Variants in UFSP2 observed in about 807,000 individuals in gnomAD.
UFSP2 encodes ufm1-specific protease 2.
A neutral mutation model predicts 60.2 loss-of-function variants in UFSP2; 43 were observed. The observed-to-expected ratio is 0.71, with a 90% confidence interval of 0.56 to 0.92. The LOEUF (loss-of-function observed/expected upper bound fraction) is 0.92. Ranked by LOEUF, UFSP2 falls within the 40% of genes least tolerant of loss-of-function variation. The probability of loss-of-function intolerance (pLI) is 0.00; values close to 1 mark genes in which losing one functional copy is unlikely to be tolerated. For missense variants in UFSP2, 520 were observed against 575.0 expected (o/e 0.90, Z 0.98); for synonymous variants, 183 against 195.1 (o/e 0.94, Z 0.52).
At chr4:185,421,667 C>T (rs963163110) in intron 2 of UFSP2, among the ~76,000 whole-genome samples, 2 of 152,332 alleles carry the variant, frequency 1.3e-5, no homozygotes, top group East Asian at 1.9e-4. Flanking sequence ...GCCAAATCAA[C>T]CTCTTCTTTA....
At chr4:185,402,088 A>AG (rs1260081544) in intron 11 of UFSP2, among the ~76,000 whole-genome samples, 2 of 152,082 alleles carry the variant, frequency 1.3e-5, no homozygotes, top group Admixed American at 1.3e-4. Flanking sequence ...CCAGCCTCGT[A>AG]GAAGCACCTG....
At chr4:185,417,630 C>T (rs1357994397) in intron 4 of UFSP2, among the ~76,000 whole-genome samples, 1 of 152,226 alleles carries the variant, frequency 6.6e-6, no homozygotes, top group Non-Finnish European at 1.5e-5. Context: ...AGCCTGGAAA[C>T]ACTGTCGTCA....
At position 185,404,413 on chromosome 4, in the gene UFSP2, A is replaced by G. The variant is rs111304059; in HGVS notation, c.1199-795T>C. 9.2e-3 allele frequency among the ~76,000 whole-genome samples: 1,354 copies of G among 147,734 alleles called. 16 individuals carry two copies. Among genetic ancestry groups the G allele is most frequent in the African/African-American group, 0.032 (1,259 of 39,636 alleles). On this transcript the variant is annotated intron_variant, in intron 10 of 11. Transcript: ENST00000264689. Reference sequence around the variant, plus strand: ...CAGGTTCAAGCAATTCTCCTGCCTCAGCCTCCTGAGTAGCTGAGACTACAG... The same window carrying G: ...CAGGTTCAAGCAATTCTCCTGCCTCGGCCTCCTGAGTAGCTGAGACTACAG...
intron 2 of UFSP2, among the ~76,000 whole-genome samples, chr4:185,419,629 T>G (rs1353964914): frequency 6.6e-6 from 1 of 152,266 alleles, no homozygotes; most frequent in Non-Finnish European, 1.5e-5. Flanking sequence ...ACTTTTTTCT[T>G]TATGGATTTG....
intron 6 of UFSP2, 110 bp from the exon 7 acceptor site, chr4:185,413,982 GT>G (rs2095534086): frequency 2.1e-6 from 2 of 965,954 alleles, no homozygotes; most frequent in Non-Finnish European, 2.9e-6. Flanking sequence ...GGTTATAAAA[GT>G]TTCCAAACAC....
At chr4:185,403,966 C>CAAAAAAAAAAAAAAAAAA (rs779330516) in intron 10 of UFSP2, among the ~76,000 whole-genome samples, 1 of 85,110 alleles carries the variant, frequency 1.2e-5, no homozygotes, top group African/African-American at 4.2e-5. Context: ...GCAAGACTCT[C>CAAAAAAAAAAAAAAAAAA]AAAAAAAAAA....
At chr4:185,405,514 C>G (rs1343940478) in intron 10 of UFSP2, among the ~76,000 whole-genome samples, 1 of 152,216 alleles carries the variant, frequency 6.6e-6, no homozygotes, top group Non-Finnish European at 1.5e-5. Flanking sequence ...ACCGTTTCCT[C>G]TTTTTAATAC....
intron 10 of UFSP2, among the ~76,000 whole-genome samples, chr4:185,404,119 C>T (rs55875761): frequency 4.6e-3 from 699 of 151,962 alleles, no homozygotes; most frequent in Non-Finnish European, 7.8e-3. Context: ...ACAATCATAT[C>T]TATAATCACA....
chr4:185,401,015 T>C (rs554662391), intron 11 of UFSP2, among the ~76,000 whole-genome samples: 12 of 152,340 alleles, frequency 7.9e-5, no homozygotes, highest in Admixed American at 3.9e-4. Context: ...AAAATTACTT[T>C]CAAGCAAAAT....
chr4:185,424,914 T>A (rs1284922886), intron 1 of UFSP2, among the ~76,000 whole-genome samples: 2 of 152,186 alleles, frequency 1.3e-5, no homozygotes, highest in African/African-American at 4.8e-5. Flanking sequence ...ACTTCCGAAT[T>A]AGCTGAGATA....
intron 4 of UFSP2, among the ~76,000 whole-genome samples, chr4:185,416,879 G>C (rs2095539674): frequency 6.6e-6 from 1 of 152,098 alleles, no homozygotes; most frequent in Non-Finnish European, 1.5e-5. Context: ...AATACAAAAG[G>C]AAATGACAGA....
chr4:185,399,616 T>C lies in UFSP2; in HGVS notation c.*776A>G. 6.2e-7 allele frequency: 1 copy of C among 1,614,210 alleles called. No individual in the cohort carries two copies. The highest frequency in any genetic ancestry group is 8.5e-7 in the Non-Finnish European group (1 of 1,180,024). On this transcript the variant is annotated 3_prime_UTR_variant, in exon 12 of 12. Coordinates refer to ENST00000264689, the MANE Select transcript of UFSP2 (RefSeq NM_018359.5). The stretch of plus-strand genomic sequence containing the variant: ...AACAGCTGAAGATCTCGCTTGGTCA[T>C]GTGGATTTCCAGACTGTGCCAAGTT...
chr4:185,405,225 T>C (rs545078335), intron 10 of UFSP2, among the ~76,000 whole-genome samples: 59 of 151,842 alleles, frequency 3.9e-4, no homozygotes, highest in African/African-American at 1.2e-3. Context: ...CTTGAATTCC[T>C]GGATGCAAGC....
intron 4 of UFSP2, among the ~76,000 whole-genome samples, chr4:185,418,163 A>T (rs920769783): frequency 6.6e-6 from 1 of 152,068 alleles, no homozygotes; most frequent in Non-Finnish European, 1.5e-5. Flanking sequence ...TCAGAATGCG[A>T]TTTAATTTAA....
intron 9 of UFSP2, among the ~76,000 whole-genome samples, chr4:185,407,464 A>C (rs1477322211): frequency 6.6e-6 from 1 of 152,196 alleles, no homozygotes; most frequent in African/African-American, 2.4e-5. Flanking sequence ...TATGGTTAAG[A>C]TCATTGGAAA....
chr4:185,424,054 A>AC (rs2095554388), intron 1 of UFSP2, among the ~76,000 whole-genome samples: 1 of 151,546 alleles, frequency 6.6e-6, no homozygotes, highest in African/African-American at 2.4e-5. Context: ...TAATCCCAAC[A>AC]CTTTGGGAGG....
In UFSP2 at chr4:185,415,212, A is replaced by G; in HGVS notation, c.627T>C (p.Leu209=). Residue 209 remains leucine, a synonymous_variant, in exon 6 of 12, where the codon CTT becomes CTC. Coordinates refer to ENST00000264689, the MANE Select transcript of UFSP2 (RefSeq NM_018359.5). ...TTCCTGAAGGATATGAAATTGTTAC[A>G]AGATTTTTTTTCCCTGGTAATAAAA... ...LHFLLPGKKN[L]VTISYPSGIP... is the part of the protein sequence containing the mutation. 3 of 1,607,800 alleles carry G rather than the reference A, an allele frequency of 1.9e-6. No homozygotes were observed. The highest frequency in any genetic ancestry group is 2.5e-6 in the Non-Finnish European group (3 of 1,178,824).
At chr4:185,403,003 G>T (rs1053528691) in intron 11 of UFSP2, among the ~76,000 whole-genome samples, 4 of 152,096 alleles carry the variant, frequency 2.6e-5, no homozygotes, top group Non-Finnish European at 4.4e-5. Flanking sequence ...ATCTGCTATT[G>T]TAAGTAAGAA....
intron 7 of UFSP2, among the ~76,000 whole-genome samples, chr4:185,408,733 T>C (rs558828145): frequency 7.7e-4 from 118 of 152,298 alleles, no homozygotes; most frequent in Non-Finnish European, 5.9e-5. Context: ...AGGGGCAATA[T>C]GACCTTGGAG....
Sources: gnomAD v4.1 joint callset for allele counts (sites outside exome capture counted in the v4.1 genomes callset) on GRCh38, gnomAD v4.1.1 for gene constraint, MANE v1.5 for transcripts, NCBI Gene and HGNC (gene_info 2026-07-23, HGNC 2026-07-21) for gene names.